The following IL16 variants were observed in gnomAD, a reference collection of about 807,000 sequenced individuals.
IL16 encodes pro-interleukin-16.
Under a neutral mutation model 110.1 loss-of-function variants are expected in IL16, and 67 were observed. That is an observed-to-expected ratio of 0.61 (90% CI 0.50 to 0.75). The LOEUF (loss-of-function observed/expected upper bound fraction) is 0.75, where lower values mean the gene tolerates loss of function less well. Ranked by LOEUF, IL16 falls within the 30% of genes least tolerant of loss-of-function variation. The probability of loss-of-function intolerance (pLI) is 0.00; values close to 1 mark genes in which losing one functional copy is unlikely to be tolerated. For synonymous variants in IL16, 689 were observed against 662.9 expected (o/e 1.04, Z -0.61); for missense variants, 1,545 against 1,655.0 (o/e 0.93, Z 1.15).
At chr15:81,269,805 G>A (rs1176261549) in intron 5 of IL16, among the ~76,000 whole-genome samples, 157 bp downstream of exon 5, 4 of 152,210 alleles carry the variant, frequency 2.6e-5, no homozygotes, top group African/African-American at 4.8e-5. Context: ...ACTCACACCT[G>A]GCTGAGTCCA....
At chr15:81,213,327 A>C (rs1311278965) in intron 1 of IL16, among the ~76,000 whole-genome samples, 8 of 152,220 alleles carry the variant, frequency 5.3e-5, no homozygotes, top group African/African-American at 1.2e-4. Flanking sequence ...CTATGTTAGA[A>C]TATGTTTCAT....
chr15:81,189,120 AT>A (rs34519204), intron 1 of IL16, among the ~76,000 whole-genome samples: 1,052 of 126,866 alleles, frequency 8.3e-3, no homozygotes, highest in Middle Eastern at 0.02. Flanking sequence ...TGCCAAGATA[AT>A]TTTTTTTTTT....
Position 81,292,824 on chromosome 15 carries a change from C to G in IL16, c.1689C>G (p.Pro563=). The G allele has an allele frequency of 6.2e-7, 1 of 1,614,052 alleles. No homozygotes were observed. The highest frequency in any genetic ancestry group is 2.2e-5 in the East Asian group (1 of 44,882). Residue 563 remains proline, a synonymous_variant, in exon 12 of 19, where the codon CCC becomes CCG. Coordinates refer to ENST00000683961, the MANE Select transcript of IL16 (RefSeq NM_172217.5). ...VVLSIASSRL[P]QESPPLPESR... ...TTTCTATAGCATCCTCCAGGCTGCC[C>G]CAGGAGAGCCCACCCCTCCCAGAGA...
chr15:81,267,660 A>G (rs1200570155), intron 4 of IL16, among the ~76,000 whole-genome samples: 2 of 152,184 alleles, frequency 1.3e-5, no homozygotes, highest in Non-Finnish European at 1.5e-5. Context: ...GAGAACCAGG[A>G]GAGCCAATGG....
chr15:81,289,851 A>T (rs902514148), intron 10 of IL16: 6 of 416,842 alleles, frequency 1.4e-5, no homozygotes, highest in Admixed American at 1.3e-4. Context: ...ATTTATTTTT[A>T]AAAAACCTGT....
chr15:81,286,778 C>T (rs909826764), intron 10 of IL16, among the ~76,000 whole-genome samples: 3 of 152,024 alleles, frequency 2.0e-5, no homozygotes, highest in Non-Finnish European at 4.4e-5. Context: ...TCTGTTCTCC[C>T]GCTGTTGATA....
At chr15:81,265,980 A>C (rs185427185) in intron 4 of IL16, among the ~76,000 whole-genome samples, 179 bp downstream of exon 4, 1 of 152,336 alleles carries the variant, frequency 6.6e-6, no homozygotes, top group East Asian at 1.9e-4. Flanking sequence ...TGAGAACCGC[A>C]TTAGAAATGG....
rs952900643 is a variant in IL16 at position 81,308,974 on chromosome 15, T to A, written c.*176T>A. The A allele has an allele frequency of 3.8e-6, 2 of 528,704 alleles. No homozygotes were observed. Among genetic ancestry groups the A allele is most frequent in the Non-Finnish European group, 6.6e-6 (2 of 300,976 alleles). The allele number at this position is 528,704 out of a possible 1,614,324, so 32.8% of individuals were successfully genotyped here. Reference sequence around the variant, plus strand: ...AGGACGCCACCCAGCAAAAGGTTGTTCCTAAAATAAGGGCAGAGTCACACG... The same window carrying A: ...AGGACGCCACCCAGCAAAAGGTTGTACCTAAAATAAGGGCAGAGTCACACG... On this transcript the variant is annotated 3_prime_UTR_variant, in exon 19 of 19. Transcript: ENST00000683961.
At chr15:81,189,347 C>T (rs1026211860) in intron 1 of IL16, among the ~76,000 whole-genome samples, 1 of 152,112 alleles carries the variant, frequency 6.6e-6, no homozygotes, top group African/African-American at 2.4e-5. Context: ...TTGTGTCCAA[C>T]TCCTGATCTC....
At chr15:81,298,498 CA>C (rs1900102061) in intron 13 of IL16, among the ~76,000 whole-genome samples, 1 of 152,206 alleles carries the variant, frequency 6.6e-6, no homozygotes, top group Non-Finnish European at 1.5e-5. Context: ...TCCTGGCTGG[CA>C]CAGAGCAGGT....
chr15:81,247,179 A>G (rs1484444394), intron 2 of IL16, among the ~76,000 whole-genome samples: 7 of 128,348 alleles, frequency 5.5e-5, no homozygotes, highest in African/African-American at 2.4e-4. Flanking sequence ...CAACTCCCCT[A>G]TTATACGTGT....
At position 81,282,661 on chromosome 15, in the gene IL16, C is replaced by T. The variant is rs148095008; in HGVS notation, c.1104C>T (p.Ile368=). 2.9e-4 allele frequency: 463 copies of T among 1,613,494 alleles called. 1 individual carries two copies. In the African/African-American group the frequency reaches 4.5e-3, roughly 16 times the overall value. Reference sequence around the variant, plus strand: ...CAGAGGCCGGCGTGGGCCTGGGCATCGGCCTGTGCAGCGTTCCCTACTTCC... The same window carrying T: ...CAGAGGCCGGCGTGGGCCTGGGCATTGGCCTGTGCAGCGTTCCCTACTTCC... ...LQKEAGVGLG[I]GLCSVPYFQC... is the part of the protein sequence containing the mutation. The change falls in exon 9 of 19, where the codon ATC becomes ATT. Residue 368 remains isoleucine (I), a synonymous_variant. Coordinates refer to ENST00000683961, the MANE Select transcript of IL16 (RefSeq NM_172217.5).
intron 1 of IL16, among the ~76,000 whole-genome samples, chr15:81,205,507 A>G (rs926899032): frequency 6.6e-6 from 1 of 152,164 alleles, no homozygotes; most frequent in African/African-American, 2.4e-5. Context: ...CACCAGTAAT[A>G]TCAAATAAAA....
At chr15:81,209,231 A>C (rs910889323) in intron 1 of IL16, among the ~76,000 whole-genome samples, 7 of 152,128 alleles carry the variant, frequency 4.6e-5, no homozygotes, top group Admixed American at 2.0e-4. Flanking sequence ...AGTGCAGGCA[A>C]AGACATGTCA....
intron 6 of IL16, among the ~76,000 whole-genome samples, chr15:81,276,393 G>A (rs545039008): frequency 7.9e-5 from 12 of 152,300 alleles, no homozygotes; most frequent in African/African-American, 2.2e-4. Flanking sequence ...ATGATGTGGC[G>A]GGGAGGGCTG....
At chr15:81,188,407 C>A (rs1272735887) in intron 1 of IL16, 2 of 456,182 alleles carry the variant, frequency 4.4e-6, no homozygotes, top group Non-Finnish European at 4.4e-6. Flanking sequence ...AGAGCTGGTA[C>A]GTGTTGAACG....
At chr15:81,267,963 C>G (rs1898465531) in intron 4 of IL16, among the ~76,000 whole-genome samples, 1 of 152,240 alleles carries the variant, frequency 6.6e-6, no homozygotes, top group South Asian at 2.1e-4. Flanking sequence ...AATATATGGG[C>G]ACCCATGTGG....
rs1469463523 is a variant in IL16 at position 81,303,705 on chromosome 15, G to A, written c.3420+55G>A. ...AGCCAGAGGCAATGGTTCTGGGGGAGGGGGACACACTTGCCAGGAAGGGGC... is the reference window on the plus strand; with the variant it reads ...AGCCAGAGGCAATGGTTCTGGGGGAAGGGGACACACTTGCCAGGAAGGGGC... On this transcript the variant is annotated intron_variant, in intron 16 of 18. Transcript: ENST00000683961. The surrounding 1 kb of genome is among the most constrained non-coding windows in gnomAD (Gnocchi z 4.1). 8.3e-6 allele frequency: 10 copies of A among 1,200,888 alleles called. No individual in the cohort carries two copies. The Admixed American group carries it at 1.5e-4, about 19-fold the overall frequency. The allele number at this position is 1,200,888 out of a possible 1,614,324, so 74.4% of individuals were successfully genotyped here. A position where few individuals can be genotyped will look rare whatever the true frequency, so the allele number is the denominator to read the frequency against.
intron 1 of IL16, among the ~76,000 whole-genome samples, chr15:81,211,666 G>T (rs1286069485): frequency 6.6e-6 from 1 of 152,150 alleles, no homozygotes; most frequent in Non-Finnish European, 1.5e-5. Flanking sequence ...AGAATTACAG[G>T]CATGAGCCAC....
Sources: gnomAD v4.1 joint callset for allele counts (sites outside exome capture counted in the v4.1 genomes callset) on GRCh38, gnomAD v4.1.1 for gene constraint, Gnocchi (gnomAD v3.1) non-coding constraint, MANE v1.5 for transcripts, NCBI Gene and HGNC (gene_info 2026-07-23, HGNC 2026-07-21) for gene names.